ITGB3BP: variants seen among roughly 807,000 people sequenced by gnomAD.
ITGB3BP encodes the protein integrin subunit beta 3 binding protein.
In ITGB3BP, 27 loss-of-function variants were observed where a neutral mutation model predicts 29.1. The observed-to-expected ratio is 0.93, with a 90% CI of 0.68 to 1.28. The LOEUF (loss-of-function observed/expected upper bound fraction) is 1.28. Ranked by LOEUF, ITGB3BP falls within the 50% of genes most tolerant of loss-of-function variation. ITGB3BP has a pLI of 0.00. For missense variants in ITGB3BP, 192 were observed against 200.2 expected, an observed-to-expected ratio of 0.96 and a Z score of 0.25; for synonymous variants, 61 against 61.4, an observed-to-expected ratio of 0.99 and a Z score of 0.03.
rs1646128021 is a variant in ITGB3BP, at chr1:63,508,488, A to G, written c.48+40T>C. ...AAATCAGTAGTTAAAAACTGAAAACACAATCTTATTCAATGACAAACTTTT... is the reference window on the plus strand; with the variant it reads ...AAATCAGTAGTTAAAAACTGAAAACGCAATCTTATTCAATGACAAACTTTT... On this transcript the variant is annotated intron_variant, in intron 2 of 8. Coordinates refer to ENST00000271002, the MANE Select transcript of ITGB3BP (RefSeq NM_014288.5). 5.1e-6 allele frequency: 5 copies of G among 973,036 alleles called. No individual in the cohort carries two copies. The South Asian group carries it at 6.7e-5, about 13-fold the overall frequency. The allele number at this position is 973,036 out of a possible 1,614,324, so 60.3% of individuals were successfully genotyped here.
intron 2 of ITGB3BP, among the ~76,000 whole-genome samples, chr1:63,501,258 T>C (rs973664449): frequency 6.6e-6 from 1 of 152,164 alleles, no homozygotes; most frequent in Non-Finnish European, 1.5e-5. Context: ...GATAAAAACC[T>C]GTGTTTCCAT....
chr1:63,473,180 G>A (rs988887653), intron 4 of ITGB3BP, among the ~76,000 whole-genome samples: 1 of 149,690 alleles, frequency 6.7e-6, no homozygotes, highest in Non-Finnish European at 1.5e-5. Context: ...CTGTCTGGGA[G>A]GTGAGGAGCG....
At chr1:63,513,239 C>T (rs1646240132) in intron 1 of ITGB3BP, among the ~76,000 whole-genome samples, 1 of 152,046 alleles carries the variant, frequency 6.6e-6, no homozygotes, top group Non-Finnish European at 1.5e-5. Flanking sequence ...CCAAGAAAAG[C>T]CTTTCAGTTC....
rs367732635 is a variant in ITGB3BP, at chr1:63,490,255, T to A, written c.49-37A>T. 3.5e-6 allele frequency: 5 copies of A among 1,414,396 alleles called. No homozygotes were observed. The South Asian group carries it at 6.2e-5, about 18-fold the overall frequency. 87.6% of individuals were successfully genotyped at this position (1,414,396 alleles called of 1,614,324 possible). ...TAATAATTAAGGACAGAAATAGCTA[T>A]GTTTAGTTATAGATCTTTGAAATTA... On this transcript the variant is annotated intron_variant, in intron 2 of 8. Coordinates refer to ENST00000271002, the MANE Select transcript of ITGB3BP (RefSeq NM_014288.5).
intron 1 of ITGB3BP, among the ~76,000 whole-genome samples, chr1:63,516,379 G>T (rs1646327516): frequency 6.9e-6 from 1 of 144,810 alleles, no homozygotes; most frequent in Non-Finnish European, 1.5e-5. Context: ...GGGGGGGAAG[G>T]GAAAAGGAAA....
intron 3 of ITGB3BP, among the ~76,000 whole-genome samples, chr1:63,487,432 A>G (rs1645552438): frequency 6.6e-6 from 1 of 152,106 alleles, no homozygotes; most frequent in Non-Finnish European, 1.5e-5. Context: ...ACATACATAT[A>G]GAGTTATGTG....
chr1:63,482,010 T>C (rs1351076001), intron 3 of ITGB3BP, among the ~76,000 whole-genome samples: 3 of 152,070 alleles, frequency 2.0e-5, no homozygotes, highest in Non-Finnish European at 2.9e-5. Flanking sequence ...CGGTGGCTCA[T>C]GCCTGTAATC....
intron 4 of ITGB3BP, among the ~76,000 whole-genome samples, chr1:63,459,690 C>CT (rs1282066120): frequency 4.6e-5 from 7 of 152,044 alleles, no homozygotes. Flanking sequence ...GCTATGAAAA[C>CT]TGAAGTACCA....
chr1:63,484,102 CTT>C (rs1645485274), intron 3 of ITGB3BP, among the ~76,000 whole-genome samples: 1 of 152,066 alleles, frequency 6.6e-6, no homozygotes, highest in Admixed American at 6.5e-5. Flanking sequence ...ATCAAAAATA[CTT>C]TGTTTAAAAA....
chr1:63,502,291 T>C (rs1038654730), intron 2 of ITGB3BP, among the ~76,000 whole-genome samples: 1 of 152,180 alleles, frequency 6.6e-6, no homozygotes, highest in East Asian at 1.9e-4. Context: ...TTGTGAGGTT[T>C]AGCAAATTGT....
chr1:63,516,879 T>A (rs1646343525), intron 1 of ITGB3BP, among the ~76,000 whole-genome samples: 1 of 152,164 alleles, frequency 6.6e-6, no homozygotes, highest in African/African-American at 2.4e-5. Flanking sequence ...GTTGAAAAAT[T>A]ATCTTTCGGG....
intron 2 of ITGB3BP, among the ~76,000 whole-genome samples, chr1:63,493,082 A>ACG (rs1459042003): frequency 7.2e-6 from 1 of 139,234 alleles, no homozygotes; most frequent in Non-Finnish European, 1.6e-5. Flanking sequence ...ACACACACAC[A>ACG]CACACACGCG....
At chr1:63,503,275 G>A (rs1225643431) in intron 2 of ITGB3BP, among the ~76,000 whole-genome samples, 4 of 152,162 alleles carry the variant, frequency 2.6e-5, no homozygotes, top group Non-Finnish European at 5.9e-5. Flanking sequence ...GTGATGATGA[G>A]CATTTTTTCA....
chr1:63,494,775 AG>A (rs1437209617), intron 2 of ITGB3BP, among the ~76,000 whole-genome samples: 2 of 152,294 alleles, frequency 1.3e-5, no homozygotes, highest in East Asian at 3.9e-4. Context: ...TAATAATAAA[AG>A]TATCATTACT....
chr1:63,487,754 G>A (rs1307275151), intron 3 of ITGB3BP, among the ~76,000 whole-genome samples: 1 of 152,102 alleles, frequency 6.6e-6, no homozygotes, highest in Non-Finnish European at 1.5e-5. Flanking sequence ...ACATCATTAT[G>A]TAGTACACGA....
intron 2 of ITGB3BP, among the ~76,000 whole-genome samples, chr1:63,506,617 T>A (rs1458261535): frequency 6.6e-6 from 1 of 152,148 alleles, no homozygotes; most frequent in South Asian, 2.1e-4. Context: ...TGCCCAAACA[T>A]CATGAAGCAT....
At chr1:63,455,668 T>TTTGGGGG in intron 4 of ITGB3BP, among the ~76,000 whole-genome samples, 1 of 152,168 alleles carries the variant, frequency 6.6e-6, no homozygotes, top group South Asian at 2.1e-4. Flanking sequence ...TATTGAAGGC[T>TTTGGGGG]GCACAATATT....
chr1:63,467,913 A>C (rs12082408), intron 4 of ITGB3BP, among the ~76,000 whole-genome samples: 1,658 of 152,332 alleles, frequency 0.011, 28 homozygotes, highest in African/African-American at 0.038. Flanking sequence ...GAAGGTAAAC[A>C]TATTTATCTT....
At chr1:63,472,618 G>A (rs1420792437) in intron 4 of ITGB3BP, among the ~76,000 whole-genome samples, 7 of 150,214 alleles carry the variant, frequency 4.7e-5, no homozygotes, top group African/African-American at 1.2e-4. Flanking sequence ...TTGCAGGCGC[G>A]CGCCGCCACG....
Sources: gnomAD v4.1 joint callset for allele counts (sites outside exome capture counted in the v4.1 genomes callset) on GRCh38, gnomAD v4.1.1 for gene constraint, MANE v1.5 for transcripts, NCBI Gene and HGNC (gene_info 2026-07-23, HGNC 2026-07-21) for gene names.